The following USP42 variants were observed in gnomAD, a reference collection of about 807,000 sequenced individuals.
USP42 encodes the protein ubiquitin specific peptidase 42.
In USP42, 23 loss-of-function variants were observed where a neutral mutation model predicts 113.0. The ratio of observed to expected loss-of-function variants is 0.20; its 90% confidence interval spans 0.15 to 0.29. USP42 has a LOEUF of 0.29. USP42 is among the 10% of genes least tolerant of loss of function. The pLI, the probability that USP42 is intolerant of heterozygous loss-of-function variation, is 1.00. For missense variants in USP42, 2,174 were observed against 1,779.8 expected (o/e 1.22, Z -3.99); for synonymous variants, 933 against 699.0 (o/e 1.33, Z -5.28).
chr7:6,081,495 C>A, the USP42 span, among the ~76,000 whole-genome samples: 1 of 152,218 alleles, frequency 6.6e-6, no homozygotes, highest in Non-Finnish European at 1.5e-5. Flanking sequence ...CCATTGCCGT[C>A]CACCCCGGAA....
intron 1 of USP42, among the ~76,000 whole-genome samples, chr7:6,107,272 G>C (rs1386705768): frequency 6.6e-6 from 1 of 152,080 alleles, no homozygotes; most frequent in Non-Finnish European, 1.5e-5. Flanking sequence ...TTGGTCATTT[G>C]TTAGTGATTG....
At chr7:6,133,300 T>G (rs1780950488) in intron 3 of USP42, among the ~76,000 whole-genome samples, 1 of 152,234 alleles carries the variant, frequency 6.6e-6, no homozygotes, top group South Asian at 2.1e-4. Context: ...TGCTGTCCTT[T>G]TACCTTCAGA....
At chr7:6,108,241 T>C (rs1389654842) in intron 1 of USP42, among the ~76,000 whole-genome samples, 1 of 152,040 alleles carries the variant, frequency 6.6e-6, no homozygotes, top group African/African-American at 2.4e-5. Flanking sequence ...ATTGATGCTT[T>C]TAAAAAACAA....
the USP42 span, among the ~76,000 whole-genome samples, chr7:6,092,674 AC>A: frequency 3.3e-5 from 5 of 150,934 alleles, no homozygotes; most frequent in African/African-American, 1.2e-4. Flanking sequence ...ATCTCCAATG[AC>A]CCCCTCTTAA....
rs1269846120 is a variant in USP42 at position 6,158,485 on chromosome 7, T to G, written c.3944-965T>G. Among the ~76,000 whole-genome samples, 1 of 152,068 alleles carries G rather than the reference T, an allele frequency of 6.6e-6. No homozygotes were observed. The highest frequency in any genetic ancestry group is 1.9e-4 in the East Asian group (1 of 5,166). On this transcript the variant is annotated intron_variant, in intron 16 of 17. Coordinates refer to ENST00000306177, the MANE Select transcript of USP42 (RefSeq NM_032172.3). The surrounding 1 kb of genome is among the most constrained non-coding windows in gnomAD (Gnocchi z 4.2). ...AGCTGTGTGTTCTGGGGAAGGCCTG[T>G]CCCTCCCAGCAGCCCAGAGCCAGCA...
At chr7:6,130,341 G>T (rs909217278) in intron 3 of USP42, among the ~76,000 whole-genome samples, 1 of 152,256 alleles carries the variant, frequency 6.6e-6, no homozygotes, top group Non-Finnish European at 1.5e-5. Context: ...GGAAGTGGAA[G>T]TTCCTGCTCC....
rs1317653918 is a variant in USP42, at chr7:6,147,743, C to T, written c.1237C>T (p.His413Tyr). 1 of 1,580,382 alleles carries T rather than the reference C, an allele frequency of 6.3e-7. No individual in the cohort carries two copies. The highest frequency in any genetic ancestry group is 1.3e-5 in the African/African-American group (1 of 74,184). The stretch of plus-strand genomic sequence containing the variant: ...TATCGCTCTCCTTGTTTCCAGGTCC[C>T]ATGATGTGAAAAATGGAGGTGAACT... Reference protein sequence around the residue: ...QAYVLFYIRSHDVKNGGELTH... With the variant: ...QAYVLFYIRSYDVKNGGELTH... Residue 413 changes from histidine to tyrosine, a missense_variant, in exon 12 of 18, where the codon CAT (histidine) becomes TAT (tyrosine). His to Tyr is a moderately conservative substitution (Grantham distance 83). Transcript: ENST00000306177.
rs1209974941 is a variant in USP42 at position 6,159,347 on chromosome 7, C to T, written c.3944-103C>T. On this transcript the variant is annotated intron_variant, in intron 16 of 17. Coordinates refer to ENST00000306177, the MANE Select transcript of USP42 (RefSeq NM_032172.3). The surrounding 1 kb of genome is among the most constrained non-coding windows in gnomAD (Gnocchi z 4.1). ...AGTGGCCTCAGGCGCTCACAGGGAA[C>T]CGCAGTGACTCTGACCATAGCCACT... The T allele has an allele frequency of 2.0e-6, 3 of 1,501,976 alleles. No individual in the cohort carries two copies. The African/African-American group carries it at 4.2e-5, about 21-fold the overall frequency. The allele number at this position is 1,501,976 out of a possible 1,614,324, so 93.0% of individuals were successfully genotyped here.
chr7:6,103,751 A>AAC (rs1790216837), upstream of USP42, among the ~76,000 whole-genome samples: 2 of 149,570 alleles, frequency 1.3e-5, no homozygotes, highest in Admixed American at 1.3e-4. Flanking sequence ...AAAAAAAAAA[A>AAC]AAAACAAAAC....
At chr7:6,156,637 T>C (rs1342182891) in intron 15 of USP42, 117 bp from the exon 16 acceptor site, 2 of 1,397,320 alleles carry the variant, frequency 1.4e-6, no homozygotes, top group Non-Finnish European at 9.3e-7. Context: ...TAGATAAGAA[T>C]TGTGCGTGTC....
At position 6,150,003 on chromosome 7, in the gene USP42, G is replaced by T. The variant is rs762680263; in HGVS notation, c.1807G>T (p.Val603Leu). The change falls in exon 13 of 18, where the codon GTG becomes TTG. Residue 603 changes from valine (V) to leucine (L), a missense_variant. Transcript: ENST00000306177. ...TGGCAAATCCAAGCTGAACTCCAGC[G>T]TGCTGGTGCCCTATGGCGCCGAGTC... is the stretch of plus-strand genomic sequence containing the variant. ...MNGKSKLNSSVLVPYGAESSE... is the reference protein window; with the variant it reads ...MNGKSKLNSSLLVPYGAESSE... The T allele has an allele frequency of 6.2e-7, 1 of 1,613,494 alleles. No individual in the cohort carries two copies. The highest frequency in any genetic ancestry group is 1.1e-5 in the South Asian group (1 of 91,008).
the USP42 span, among the ~76,000 whole-genome samples, chr7:6,082,051 C>T: frequency 6.6e-6 from 1 of 151,460 alleles, no homozygotes; most frequent in Non-Finnish European, 1.5e-5. Context: ...TGTATGTATA[C>T]ATATTTGTAT....
At chr7:6,122,879 A>G (rs1205732364) in intron 3 of USP42, among the ~76,000 whole-genome samples, 2 of 151,426 alleles carry the variant, frequency 1.3e-5, no homozygotes, top group Non-Finnish European at 2.9e-5. Context: ...GCTAGAGTGC[A>G]GTGGTATGAT....
At chr7:6,148,182 A>G (rs1375038928) in intron 12 of USP42, among the ~76,000 whole-genome samples, 2 of 152,112 alleles carry the variant, frequency 1.3e-5, no homozygotes, top group South Asian at 2.1e-4. Flanking sequence ...CACAAAAAAT[A>G]CAAGTATCAG....
Position 6,139,198 on chromosome 7 carries a change from A to T in USP42, c.656+4A>T. ...CATGCTTGAATGGCAGCAATAAGTA[A>T]GTACAACAGAGCGCCAGCCATGTCT... is the stretch of plus-strand genomic sequence containing the variant. On this transcript the variant is annotated splice_donor_region_variant and intron_variant, in intron 5 of 17. Coordinates refer to ENST00000306177, the MANE Select transcript of USP42 (RefSeq NM_032172.3). The surrounding 1 kb of genome is among the most constrained non-coding windows in gnomAD (Gnocchi z 4.5). The T allele has an allele frequency of 6.3e-7, 1 of 1,586,294 alleles. No homozygotes were observed.
At chr7:6,109,321 G>GT (rs1280010171) in intron 1 of USP42, among the ~76,000 whole-genome samples, 3 of 152,166 alleles carry the variant, frequency 2.0e-5, no homozygotes, top group African/African-American at 4.8e-5. Context: ...GTCAGACAAT[G>GT]TGAAGTCCAG....
rs548152682 is a variant in USP42 at position 6,106,079 on chromosome 7, A to C, written c.-10+1047A>C. Among the ~76,000 whole-genome samples, 3 of 152,326 alleles carry C rather than the reference A, an allele frequency of 2.0e-5. No homozygotes were observed. In the East Asian group the frequency reaches 5.8e-4, roughly 29 times the overall value. ...TTCTTTTTACTTTGTCACTCATTCA[A>C]ATTGCCTAGGGGATATGAATGATCA... is the stretch of plus-strand genomic sequence containing the variant. On this transcript the variant is annotated intron_variant, in intron 1 of 17. Transcript: ENST00000306177.
At chr7:6,088,404 C>T in the USP42 span, among the ~76,000 whole-genome samples, 4 of 150,932 alleles carry the variant, frequency 2.7e-5, no homozygotes, top group Non-Finnish European at 4.4e-5. Context: ...TAAAGGCACC[C>T]GCCACCATGC....
Position 6,154,149 on chromosome 7 carries a change from G to T in USP42, c.2595G>T (p.Glu865Asp), listed in dbSNP as rs1192658717. 6.3e-6 allele frequency: 10 copies of T among 1,594,712 alleles called. No individual in the cohort carries two copies. The highest frequency in any genetic ancestry group is 2.7e-5 in the African/African-American group (2 of 74,676). Residue 865 changes from glutamate (E) to aspartate (D), a missense_variant, in exon 15 of 18, where the codon GAG (glutamate) becomes GAT (aspartate). Physicochemically the swap from Glu to Asp is conservative, Grantham distance 45. Transcript: ENST00000306177. ...CGGCTCCGCCTGCGCGGTCGGAGGA[G>T]CCCTGCGAGCAGCCACTCCTTGTTC... ...LSPAPPARSE[E>D]PCEQPLLVHP... is the part of the protein sequence containing the mutation.
Sources: allele counts gnomAD v4.1 joint callset (sites outside exome capture counted in the v4.1 genomes callset), GRCh38; gene constraint gnomAD v4.1.1; non-coding constraint Gnocchi (gnomAD v3.1); transcripts MANE v1.5; gene names NCBI Gene and HGNC (gene_info 2026-07-23, HGNC 2026-07-21).